MOB3B: variants seen among roughly 807,000 people sequenced by gnomAD.
MOB3B encodes MOB kinase activator-like 2B.
MOB3B carries 7 observed loss-of-function variants against 18.7 expected under a neutral mutation model. The ratio of observed to expected loss-of-function variants is 0.37; its 90% CI spans 0.21 to 0.70. The LOEUF (loss-of-function observed/expected upper bound fraction) is 0.70. MOB3B is among the 30% of genes least tolerant of loss of function. The pLI is 0.52. For missense variants in MOB3B, 253 were observed against 281.3 expected, an observed-to-expected ratio of 0.90 and a Z score of 0.72; for synonymous variants, 111 against 99.9, an observed-to-expected ratio of 1.11 and a Z score of -0.66.
chr9:27,342,520 A>C (rs997365843), intron 3 of MOB3B, among the ~76,000 whole-genome samples: 1 of 149,224 alleles, frequency 6.7e-6, no homozygotes, highest in Non-Finnish European at 1.5e-5. Context: ...TGTGAAAGCC[A>C]AGGCTGGACT....
At chr9:27,335,715 CT>C (rs1375209345) in intron 3 of MOB3B, among the ~76,000 whole-genome samples, 1 of 152,192 alleles carries the variant, frequency 6.6e-6, no homozygotes, top group Non-Finnish European at 1.5e-5. Flanking sequence ...CGCCAACACC[CT>C]TTAACGCTCT....
intron 2 of MOB3B, among the ~76,000 whole-genome samples, chr9:27,390,279 C>G (rs998373616): frequency 7.2e-5 from 11 of 152,058 alleles, no homozygotes; most frequent in Non-Finnish European, 1.2e-4. Context: ...GAGACTGAGT[C>G]TCACTCTGTG....
At chr9:27,354,833 G>C (rs952009220) in intron 3 of MOB3B, among the ~76,000 whole-genome samples, 3 of 152,130 alleles carry the variant, frequency 2.0e-5, no homozygotes, top group Non-Finnish European at 4.4e-5. Context: ...GGAATCAATC[G>C]TTAAGACAGA....
At chr9:27,424,113 C>A (rs1822294402) in intron 2 of MOB3B, among the ~76,000 whole-genome samples, 1 of 152,232 alleles carries the variant, frequency 6.6e-6, no homozygotes, top group East Asian at 1.9e-4. Context: ...GCTCTGGCTT[C>A]CTGACAGTTA....
chr9:27,444,316 AAAGGAAGGAAGG>A (rs1167636278), intron 2 of MOB3B, among the ~76,000 whole-genome samples: 21 of 65,938 alleles, frequency 3.2e-4, no homozygotes, highest in African/African-American at 1.2e-3. Context: ...AGGAAGGAAG[AAAGGAAGGAAGG>A]AAGGAAAAGA....
intron 2 of MOB3B, among the ~76,000 whole-genome samples, chr9:27,437,636 C>G (rs150466763): frequency 0.03 from 4,522 of 152,326 alleles, 93 homozygotes; most frequent in Non-Finnish European, 0.04. Context: ...GTGTGCAACA[C>G]TGTCACCAGA....
Position 27,395,454 on chromosome 9 carries a change from T to TTA in MOB3B, c.419-36219_419-36218insTA, listed in dbSNP as rs751852622. 8.3e-3 allele frequency among the ~76,000 whole-genome samples: 1,245 copies of TTA among 150,808 alleles called. 9 individuals carry two copies. Among genetic ancestry groups the TTA allele is most frequent in the Non-Finnish European group, 9.7e-3 (653 of 67,616 alleles). ...CCAATTAAATAATAAATAGATTTTT[T>TTA]AAAAAAAAAAAGACTGTTGATAGGT... On this transcript the variant is annotated intron_variant, in intron 2 of 3. Coordinates refer to ENST00000262244, the MANE Select transcript of MOB3B (RefSeq NM_024761.5).
intron 1 of MOB3B, among the ~76,000 whole-genome samples, chr9:27,480,761 A>G (rs1183573165): frequency 1.3e-5 from 2 of 152,212 alleles, no homozygotes; most frequent in Non-Finnish European, 2.9e-5. Flanking sequence ...GTAGTAGAAG[A>G]AAGGAAAGGG....
chr9:27,373,698 C>A (rs1821452601), intron 2 of MOB3B, among the ~76,000 whole-genome samples: 2 of 152,252 alleles, frequency 1.3e-5, no homozygotes, highest in Non-Finnish European at 2.9e-5. Flanking sequence ...TTTAAAGTCT[C>A]AATTACATTG....
In MOB3B at chr9:27,479,557, G is replaced by T. The variant is rs1819615130; in HGVS notation, c.-198-23809C>A. ...AAAGAATAATAACTTCGATATGAAGGAAACTAAGAAAAAGATAAATAAGCA... is the reference window on the plus strand; with the variant it reads ...AAAGAATAATAACTTCGATATGAAGTAAACTAAGAAAAAGATAAATAAGCA... On this transcript the variant is annotated intron_variant, in intron 1 of 3. Transcript: ENST00000262244. Among the ~76,000 whole-genome samples, 3 of 152,060 alleles carry T rather than the reference G, an allele frequency of 2.0e-5. No homozygotes were observed. The South Asian group carries it at 6.2e-4, about 32-fold the overall frequency.
intron 1 of MOB3B, among the ~76,000 whole-genome samples, chr9:27,476,927 C>A (rs1336298247): frequency 6.6e-6 from 1 of 152,160 alleles, no homozygotes; most frequent in Non-Finnish European, 1.5e-5. Flanking sequence ...CTCAAAGACT[C>A]CTCCAAGAGA....
intron 1 of MOB3B, among the ~76,000 whole-genome samples, chr9:27,483,791 G>A (rs1363825225): frequency 6.6e-6 from 1 of 152,168 alleles, no homozygotes; most frequent in Admixed American, 6.5e-5. Flanking sequence ...ACAGCAGGAG[G>A]GTGCAAAGAG....
rs368503805 is a variant in MOB3B at position 27,442,793 on chromosome 9, G to A, written c.418+12340C>T. On this transcript the variant is annotated intron_variant, in intron 2 of 3. Transcript: ENST00000262244. ...CAGCACTTTTGTGCTAGTTCTCCACGTTAGCTCCTTTCATTGCACCATCTG... is the reference window on the plus strand; with the variant it reads ...CAGCACTTTTGTGCTAGTTCTCCACATTAGCTCCTTTCATTGCACCATCTG... Among the ~76,000 whole-genome samples, 69 of 152,234 alleles carry A rather than the reference G, an allele frequency of 4.5e-4. 1 individual carries two copies. The East Asian group carries it at 9.5e-3, about 21-fold the overall frequency.
At chr9:27,496,957 G>T (rs1185471272) in intron 1 of MOB3B, among the ~76,000 whole-genome samples, 1 of 152,172 alleles carries the variant, frequency 6.6e-6, no homozygotes, top group Non-Finnish European at 1.5e-5. Flanking sequence ...TAAAACGATG[G>T]TTAATATGGC....
At chr9:27,390,582 T>C (rs1821714141) in intron 2 of MOB3B, among the ~76,000 whole-genome samples, 1 of 152,200 alleles carries the variant, frequency 6.6e-6, no homozygotes, top group African/African-American at 2.4e-5. Flanking sequence ...GGCAGACAGG[T>C]AATCTGAAGC....
intron 3 of MOB3B, among the ~76,000 whole-genome samples, chr9:27,339,514 C>A (rs1820910528): frequency 6.6e-6 from 1 of 152,232 alleles, no homozygotes; most frequent in Non-Finnish European, 1.5e-5. Flanking sequence ...GGAGTAGTTT[C>A]TATCATTTCC....
intron 2 of MOB3B, among the ~76,000 whole-genome samples, chr9:27,390,627 G>A (rs529643991): frequency 2.0e-5 from 3 of 152,326 alleles, no homozygotes; most frequent in East Asian, 3.9e-4. Flanking sequence ...CAATCAGGGC[G>A]AAATCCTTTC....
At chr9:27,393,451 T>C (rs1821757584) in intron 2 of MOB3B, among the ~76,000 whole-genome samples, 1 of 151,934 alleles carries the variant, frequency 6.6e-6, no homozygotes, top group Admixed American at 6.6e-5. Context: ...GTAGTTGCTC[T>C]GTTGTGGAAC....
At chr9:27,522,120 T>C (rs965619345) in intron 1 of MOB3B, among the ~76,000 whole-genome samples, 34 of 150,664 alleles carry the variant, frequency 2.3e-4, no homozygotes, top group African/African-American at 8.3e-4. Context: ...CGCGTGCCTG[T>C]AATCCCAGCT....
Sources: gnomAD v4.1 joint callset for allele counts (sites outside exome capture counted in the v4.1 genomes callset) on GRCh38, gnomAD v4.1.1 for gene constraint, MANE v1.5 for transcripts, NCBI Gene and HGNC (gene_info 2026-07-23, HGNC 2026-07-21) for gene names.